Variants in CLPX observed in about 807,000 individuals in gnomAD.
The protein encoded by CLPX is ATP-dependent clpX-like chaperone, mitochondrial.
CLPX carries 34 observed loss-of-function variants against 76.4 expected under a neutral mutation model. The ratio of observed to expected loss-of-function variants is 0.45; its 90% CI spans 0.34 to 0.59. CLPX has a LOEUF of 0.59. Among genes scored for constraint, CLPX ranks in the 20% least tolerant of loss-of-function variants. The probability of loss-of-function intolerance (pLI) is 0.01; values close to 1 mark genes in which losing one functional copy is unlikely to be tolerated. For synonymous variants in CLPX, 248 were observed against 270.9 expected, an observed-to-expected ratio of 0.92 and a Z score of 0.83; for missense variants, 613 against 757.0, an observed-to-expected ratio of 0.81 and a Z score of 2.23.
Position 65,154,801 on chromosome 15 carries a change from G to A in CLPX, c.1592C>T (p.Ala531Val). 1 of 1,613,224 alleles carries A rather than the reference G, an allele frequency of 6.2e-7. No homozygotes were observed. The highest frequency in any genetic ancestry group is 8.5e-7 in the Non-Finnish European group (1 of 1,179,218). The change falls in exon 11 of 14, where the codon GCC becomes GTC. Residue 531 changes from alanine (A) to valine (V), a missense_variant. By Grantham distance (64) the Ala-to-Val change is moderately conservative. This residue lies in a region of CLPX where 450 missense variants were observed against 638.6 expected (regional missense o/e 0.70). Transcript: ENST00000300107. ...PRNAVIPQYQ[A>V]LFSMDKCELN... ...TCTAACCTTATCCATGCTGAATAAG[G>A]CCTGGTACTGAGGAATAACAGCATT...
rs1216054162 is a variant in CLPX at position 65,179,933 on chromosome 15, T to C, written c.240+111A>G. The C allele has an allele frequency of 4.8e-6, 3 of 630,506 alleles. No individual in the cohort carries two copies. In the African/African-American group the frequency reaches 5.6e-5, roughly 12 times the overall value. 39.1% of individuals were successfully genotyped at this position (630,506 alleles called of 1,614,324 possible). On this transcript the variant is annotated intron_variant, in intron 2 of 13. Coordinates refer to ENST00000300107, the MANE Select transcript of CLPX (RefSeq NM_006660.5). ...AAAATTATTCAGATCATTTTAGCTATCTCATATTTCCTACAGAAAACATAT... is the reference window on the plus strand; with the variant it reads ...AAAATTATTCAGATCATTTTAGCTACCTCATATTTCCTACAGAAAACATAT...
chr15:65,174,535 T>C (rs1039413973), intron 3 of CLPX, among the ~76,000 whole-genome samples: 1 of 152,174 alleles, frequency 6.6e-6, no homozygotes, highest in African/African-American at 2.4e-5. Context: ...AGTGCTGGGA[T>C]TACAGGCATA....
intron 5 of CLPX, among the ~76,000 whole-genome samples, chr15:65,163,780 C>T (rs990944877): frequency 6.6e-6 from 1 of 152,062 alleles, no homozygotes; most frequent in Non-Finnish European, 1.5e-5. Context: ...AGCCACCATG[C>T]CAGGCCTAAG....
intron 1 of CLPX, among the ~76,000 whole-genome samples, chr15:65,182,113 C>T (rs1466161563): frequency 1.4e-5 from 2 of 138,594 alleles, no homozygotes; most frequent in East Asian, 2.0e-4. Context: ...ACAGAGTCTC[C>T]GTCTCAAAAA....
intron 6 of CLPX, among the ~76,000 whole-genome samples, chr15:65,162,317 G>T (rs533154827): frequency 2.7e-4 from 41 of 152,214 alleles, no homozygotes; most frequent in African/African-American, 9.9e-4. Context: ...AAAATAATCT[G>T]CCTCCCCCAA....
intron 11 of CLPX, 59 bp from the exon 12 acceptor site, chr15:65,153,698 T>C (rs1389106110): frequency 2.9e-6 from 3 of 1,039,766 alleles, no homozygotes; most frequent in African/African-American, 3.4e-5. Flanking sequence ...CACCAGAAAA[T>C]GTACCATTAA....
chr15:65,148,992 T>C lies in CLPX; in HGVS notation c.*1831A>G, dbSNP rs2087685320. 2.0e-5 allele frequency: 3 copies of C among 152,244 alleles called. No individual in the cohort carries two copies. Among genetic ancestry groups the C allele is most frequent in the African/African-American group, 2.4e-5 (1 of 41,460 alleles). 9.4% of individuals were successfully genotyped at this position (152,244 alleles called of 1,614,324 possible). ...TTAGTGTGAACACATTTACTTTGGCTGATAGCAAAACATAGATTTTTTAAA... is the reference window on the plus strand; with the variant it reads ...TTAGTGTGAACACATTTACTTTGGCCGATAGCAAAACATAGATTTTTTAAA... On this transcript the variant is annotated 3_prime_UTR_variant, in exon 14 of 14. Transcript: ENST00000300107.
chr15:65,185,007 C>A, intron 1 of CLPX, 68 bp downstream of exon 1: 1 of 1,423,934 alleles, frequency 7.0e-7, no homozygotes, highest in Non-Finnish European at 9.7e-7. Context: ...CCCCGGGGCC[C>A]CCAACCATTG....
intron 3 of CLPX, among the ~76,000 whole-genome samples, chr15:65,176,018 G>A (rs1280145727): frequency 1.3e-5 from 2 of 152,250 alleles, no homozygotes; most frequent in South Asian, 2.1e-4. Flanking sequence ...TTGCACATAA[G>A]TGTGTGCTCT....
intron 1 of CLPX, among the ~76,000 whole-genome samples, chr15:65,183,256 A>G (rs2088202160): frequency 6.6e-6 from 1 of 151,398 alleles, no homozygotes. Context: ...AGATCAGGAG[A>G]TCGAGACCAT....
chr15:65,175,833 G>T (rs2088084316), intron 3 of CLPX, among the ~76,000 whole-genome samples: 1 of 152,086 alleles, frequency 6.6e-6, no homozygotes, highest in Non-Finnish European at 1.5e-5. Flanking sequence ...GACACAGAAG[G>T]ATTCAAAAGG....
At chr15:65,168,294 G>A (rs1221485179) in intron 3 of CLPX, among the ~76,000 whole-genome samples, 15 of 135,562 alleles carry the variant, frequency 1.1e-4, no homozygotes, top group Non-Finnish European at 4.6e-5. Flanking sequence ...TGAGGCAGGA[G>A]AATGGTATGA....
chr15:65,184,439 A>T (rs1303680729), intron 1 of CLPX: 1 of 152,314 alleles, frequency 6.6e-6, no homozygotes, highest in African/African-American at 2.4e-5. Flanking sequence ...CTCCTGCGGG[A>T]CTTCTCCCCA....
At position 65,180,129 on chromosome 15, in the gene CLPX, G is replaced by C; in HGVS notation, c.155C>G (p.Ala52Gly). ...GTFETQILQRAPLRSFTETPA... is the reference protein window; with the variant it reads ...GTFETQILQRGPLRSFTETPA... Reference sequence around the variant, plus strand: ...TGTTTCTGTAAAGGATCTAAGAGGAGCTCTTTGCAGAATCTGAGTTTCAAA... The same window carrying C: ...TGTTTCTGTAAAGGATCTAAGAGGACCTCTTTGCAGAATCTGAGTTTCAAA... Residue 52 changes from alanine to glycine, a missense_variant, in exon 2 of 14, where the codon GCT (alanine) becomes GGT (glycine). Around this residue, in one of 2 missense-constraint regions of CLPX, gnomAD observed 163 missense variants for 118.4 expected, o/e 1.38. Coordinates refer to ENST00000300107, the MANE Select transcript of CLPX (RefSeq NM_006660.5). 1 of 1,611,944 alleles carries C rather than the reference G, an allele frequency of 6.2e-7. No individual in the cohort carries two copies. The highest frequency in any genetic ancestry group is 8.5e-7 in the Non-Finnish European group (1 of 1,178,564).
chr15:65,185,125 C>A lies in CLPX; in HGVS notation c.29G>T (p.Gly10Val), dbSNP rs1302877343. The change falls in exon 1 of 14, where the codon GGC (glycine) becomes GTC (valine). Residue 10 changes from glycine (G) to valine (V), a missense_variant. Physicochemically the swap from Gly to Val is moderately radical, Grantham distance 109. Coordinates refer to ENST00000300107, the MANE Select transcript of CLPX (RefSeq NM_006660.5). ...GGTGATGAGCCGGACGGCCGCCGCGCCGCAAGTACAAGCACCGCAGCTGGG... is the reference window on the plus strand; with the variant it reads ...GGTGATGAGCCGGACGGCCGCCGCGACGCAAGTACAAGCACCGCAGCTGGG... MPSCGACTC[G>V]AAAVRLITSS... 1 of 1,579,142 alleles carries A rather than the reference C, an allele frequency of 6.3e-7. No individual in the cohort carries two copies. Among genetic ancestry groups the A allele is most frequent in the East Asian group, 2.3e-5 (1 of 43,580 alleles).
intron 1 of CLPX, among the ~76,000 whole-genome samples, chr15:65,184,735 G>T (rs1355728496): frequency 6.6e-6 from 1 of 152,262 alleles, no homozygotes; most frequent in Non-Finnish European, 1.5e-5. Flanking sequence ...CCCCGGCAGG[G>T]CTGAGTGGGA....
rs757374714 is a variant in CLPX at position 65,149,987 on chromosome 15, C to G, written c.*836G>C. ...AGATAAGACTAGGAATACAGCTAAA[C>G]CAATTATCAAAATATAGTTCTTCAG... On this transcript the variant is annotated 3_prime_UTR_variant, in exon 14 of 14. Transcript: ENST00000300107. The G allele has an allele frequency of 2.0e-5, 3 of 152,030 alleles. No individual in the cohort carries two copies. Among genetic ancestry groups the G allele is most frequent in the African/African-American group, 4.8e-5 (2 of 41,304 alleles). The allele number at this position is 152,030 out of a possible 1,614,324, so 9.4% of individuals were successfully genotyped here.
chr15:65,175,641 C>T (rs977683927), intron 3 of CLPX, among the ~76,000 whole-genome samples: 2 of 152,180 alleles, frequency 1.3e-5, no homozygotes, highest in African/African-American at 4.8e-5. Flanking sequence ...AGCACCCCTA[C>T]ATGAAATCTG....
intron 12 of CLPX, 114 bp from the exon 13 acceptor site, chr15:65,152,650 CAAAT>C (rs1379756464): frequency 1.2e-5 from 3 of 257,644 alleles, no homozygotes; most frequent in Non-Finnish European, 2.1e-5. Context: ...ACAAACAAAA[CAAAT>C]ATATATATAT....
Sources: gnomAD v4.1 joint callset for allele counts (sites outside exome capture counted in the v4.1 genomes callset) on GRCh38, gnomAD v4.1.1 for gene constraint, gnomAD v4.1.1 regional missense constraint, MANE v1.5 for transcripts, NCBI Gene and HGNC (gene_info 2026-07-23, HGNC 2026-07-21) for gene names.